Variants in SHC3 observed in about 807,000 individuals in gnomAD.
The protein encoded by SHC3 is SHC-transforming protein 3.
SHC3 carries 15 observed loss-of-function variants against 60.4 expected under a neutral mutation model. That is an observed-to-expected ratio of 0.25 (90% confidence interval 0.17 to 0.38). SHC3 has a LOEUF of 0.38. Among genes scored for constraint, SHC3 ranks in the 10% least tolerant of loss-of-function variants. The probability of loss-of-function intolerance (pLI) is 1.00; values close to 1 mark genes in which losing one functional copy is unlikely to be tolerated. For synonymous variants in SHC3, 294 were observed against 325.9 expected, an observed-to-expected ratio of 0.90 and a Z score of 1.05; for missense variants, 677 against 786.1, an observed-to-expected ratio of 0.86 and a Z score of 1.66.
rs915184509 is a variant in SHC3 at position 89,009,403 on chromosome 9, C to G, written c.*4044G>C. The G allele has an allele frequency of 1.3e-5, 2 of 152,256 alleles. No individual in the cohort carries two copies. The highest frequency in any genetic ancestry group is 4.8e-5 in the African/African-American group (2 of 41,458). 9.4% of individuals were successfully genotyped at this position (152,256 alleles called of 1,614,324 possible). ...GCAATCTTTCCACAATCTTCCCACT[C>G]ACTCCCAATCCTACTGTCACCGTCC... On this transcript the variant is annotated 3_prime_UTR_variant, in exon 12 of 12. Coordinates refer to ENST00000375835, the MANE Select transcript of SHC3 (RefSeq NM_016848.6).
At position 89,129,205 on chromosome 9, in the gene SHC3, G is replaced by GA. The variant is rs1826207040; in HGVS notation, c.475-16580dup. 2.6e-5 allele frequency among the ~76,000 whole-genome samples: 4 copies of GA among 152,196 alleles called. No individual in the cohort carries two copies. The South Asian group carries it at 6.2e-4, about 24-fold the overall frequency. ...AATGAAGTGAGAAGAGAAGTTTAGA[G>GA]AAAAAAGAGTAAAAAGAAATGAACA... is the stretch of plus-strand genomic sequence containing the variant. On this transcript the variant is annotated intron_variant, in intron 1 of 11. Coordinates refer to ENST00000375835, the MANE Select transcript of SHC3 (RefSeq NM_016848.6).
At chr9:89,103,920 T>C (rs2118088810) in intron 2 of SHC3, among the ~76,000 whole-genome samples, 1 of 152,220 alleles carries the variant, frequency 6.6e-6, no homozygotes, top group South Asian at 2.1e-4. Flanking sequence ...GGGATCCCTA[T>C]GGAATGATAT....
In SHC3 at chr9:89,147,165, A is replaced by T. The variant is rs201758957; in HGVS notation, c.474+30822T>A. Among the ~76,000 whole-genome samples, 8 of 1,330 alleles carry T rather than the reference A, an allele frequency of 6.0e-3. No individual in the cohort carries two copies. In the African/African-American group the frequency reaches 0.1, roughly 17 times the overall value. 0.9% of individuals were successfully genotyped at this position (1,330 alleles called of 152,430 possible). ...ACAGCCTTTCTGTAACTGGCAAAAT[A>T]AAAAAAAAATTAAAAAAAAAAAGCC... On this transcript the variant is annotated intron_variant, in intron 1 of 11. Coordinates refer to ENST00000375835, the MANE Select transcript of SHC3 (RefSeq NM_016848.6).
At chr9:89,161,588 A>G (rs994422664) in intron 1 of SHC3, among the ~76,000 whole-genome samples, 5 of 152,144 alleles carry the variant, frequency 3.3e-5, no homozygotes, top group African/African-American at 9.7e-5. Flanking sequence ...CAAATATACC[A>G]CAGACTAATA....
chr9:89,104,946 C>T (rs1295281744), intron 2 of SHC3, among the ~76,000 whole-genome samples: 1 of 152,212 alleles, frequency 6.6e-6, no homozygotes, highest in Admixed American at 6.5e-5. Flanking sequence ...GGAGGGACGT[C>T]GCCATGCCCG....
chr9:89,062,616 A>C (rs537522691), intron 6 of SHC3, among the ~76,000 whole-genome samples: 1 of 152,340 alleles, frequency 6.6e-6, no homozygotes, highest in Admixed American at 6.5e-5. Flanking sequence ...CGTAACTGTA[A>C]AATTTTACAG....
intron 2 of SHC3, among the ~76,000 whole-genome samples, chr9:89,087,258 G>A (rs1825545603): frequency 6.6e-6 from 1 of 152,184 alleles, no homozygotes; most frequent in Non-Finnish European, 1.5e-5. Context: ...TTTCATCCAA[G>A]TAGCCTAACT....
intron 7 of SHC3, among the ~76,000 whole-genome samples, chr9:89,047,781 A>G (rs1158868314): frequency 6.6e-6 from 1 of 152,236 alleles, no homozygotes; most frequent in African/African-American, 2.4e-5. Context: ...GAACCCTCAC[A>G]CATTGCTCAT....
intron 1 of SHC3, among the ~76,000 whole-genome samples, chr9:89,113,483 C>A (rs1190033473): frequency 6.6e-6 from 1 of 152,034 alleles, no homozygotes; most frequent in African/African-American, 2.4e-5. Flanking sequence ...GAGCGAGACT[C>A]CATCTCAAAA....
At chr9:89,086,540 T>C (rs1825533439) in intron 2 of SHC3, among the ~76,000 whole-genome samples, 1 of 152,252 alleles carries the variant, frequency 6.6e-6, no homozygotes, top group Non-Finnish European at 1.5e-5. Flanking sequence ...TCTGCATGTT[T>C]AGCTGTCTAG....
chr9:89,095,055 T>G (rs960769702), intron 2 of SHC3, among the ~76,000 whole-genome samples: 6 of 152,178 alleles, frequency 3.9e-5, no homozygotes, highest in Non-Finnish European at 7.4e-5. Context: ...GAAAACGGCA[T>G]GGCGGTTCCT....
Position 89,075,211 on chromosome 9 carries a change from CA to C in SHC3, c.626del (p.Leu209ArgfsTer15). The C allele has an allele frequency of 6.2e-7, 1 of 1,613,874 alleles. No homozygotes were observed. Among genetic ancestry groups the C allele is most frequent in the Non-Finnish European group, 8.5e-7 (1 of 1,179,848 alleles). On this transcript the variant is annotated frameshift_variant, in exon 4 of 12. Transcript: ENST00000375835. LOFTEE classifies it high-confidence loss of function. ...GGTTGCTCTTTCCCAAGATGCTGGA[CA>C]GCATTTTGCTTGGAGGCTGTGAAAT... ...FKKRKPPSKM[L>X]SSILGKSNLQ...
intron 1 of SHC3, among the ~76,000 whole-genome samples, chr9:89,145,188 A>G (rs11137521): frequency 0.071 from 10,777 of 152,300 alleles, 514 homozygotes; most frequent in Middle Eastern, 0.13. Flanking sequence ...ATATTAAGGC[A>G]TCCCTGAAAA....
chr9:89,039,308 C>T (rs1346244755), intron 10 of SHC3, among the ~76,000 whole-genome samples: 1 of 152,140 alleles, frequency 6.6e-6, no homozygotes, highest in Non-Finnish European at 1.5e-5. Flanking sequence ...CAAACTTGTT[C>T]GATGTTAGTA....
At chr9:89,060,542 C>T (rs1438721837) in intron 6 of SHC3, among the ~76,000 whole-genome samples, 1 of 151,914 alleles carries the variant, frequency 6.6e-6, no homozygotes, top group Non-Finnish European at 1.5e-5. Flanking sequence ...GCTTGCTTGG[C>T]ACGGTCAGGG....
chr9:89,045,593 CTA>C (rs1824758816), intron 9 of SHC3, among the ~76,000 whole-genome samples, 151 bp downstream of exon 9: 1 of 152,172 alleles, frequency 6.6e-6, no homozygotes, highest in South Asian at 2.1e-4. Flanking sequence ...GCTTCTATTT[CTA>C]TAGTCTAGTC....
At chr9:89,143,201 T>C (rs1174880851) in intron 1 of SHC3, among the ~76,000 whole-genome samples, 1 of 152,122 alleles carries the variant, frequency 6.6e-6, no homozygotes, top group East Asian at 1.9e-4. Context: ...AGGGGTGGAT[T>C]ATTAATGCCT....
rs1206637647 is a variant in SHC3, at chr9:89,012,167, A to G, written c.*1280T>C. On this transcript the variant is annotated 3_prime_UTR_variant, in exon 12 of 12. Coordinates refer to ENST00000375835, the MANE Select transcript of SHC3 (RefSeq NM_016848.6). ...TATTCTTTAAAGGGCATCTGTGAAA[A>G]TCACAGGGCAATCTCAGCCCAGATA... 1 of 152,252 alleles carries G rather than the reference A, an allele frequency of 6.6e-6. No homozygotes were observed. The highest frequency in any genetic ancestry group is 2.4e-5 in the African/African-American group (1 of 41,466). The allele number at this position is 152,252 out of a possible 1,614,324, so 9.4% of individuals were successfully genotyped here.
chr9:89,106,389 C>A (rs1825860007), intron 2 of SHC3, among the ~76,000 whole-genome samples: 1 of 152,198 alleles, frequency 6.6e-6, no homozygotes, highest in Admixed American at 6.5e-5. Flanking sequence ...CCTGGCAGGC[C>A]CTGACACTCT....
Sources: allele counts gnomAD v4.1 joint callset (sites outside exome capture counted in the v4.1 genomes callset), GRCh38; gene constraint gnomAD v4.1.1; transcripts MANE v1.5; gene names NCBI Gene and HGNC (gene_info 2026-07-23, HGNC 2026-07-21).